Variants in EXT2 observed in about 807,000 individuals in gnomAD.
EXT2 encodes the protein exostosin-2.
EXT2 carries 53 observed loss-of-function variants against 81.6 expected under a neutral mutation model. The observed-to-expected ratio is 0.65, with a 90% CI of 0.52 to 0.82. The LOEUF (loss-of-function observed/expected upper bound fraction) is 0.82. Ranked by LOEUF, EXT2 falls within the 40% of genes least tolerant of loss-of-function variation. EXT2 has a pLI of 0.00. For synonymous variants in EXT2, 320 were observed against 340.0 expected, an observed-to-expected ratio of 0.94 and a Z score of 0.65; for missense variants, 774 against 910.2, an observed-to-expected ratio of 0.85 and a Z score of 1.93.
intron 7 of EXT2, among the ~76,000 whole-genome samples, chr11:44,149,539 C>A (rs1457170418): frequency 6.6e-6 from 1 of 152,130 alleles, no homozygotes; most frequent in East Asian, 1.9e-4. Context: ...ACGTATTGGA[C>A]CTTGAAAATA....
chr11:44,182,459 T>C (rs1955248947), intron 8 of EXT2, among the ~76,000 whole-genome samples: 1 of 152,220 alleles, frequency 6.6e-6, no homozygotes, highest in Non-Finnish European at 1.5e-5. Context: ...CACCTATCTA[T>C]ATTTTGTTTA....
At chr11:44,118,939 ATTTCT>A in intron 4 of EXT2, among the ~76,000 whole-genome samples, 1 of 151,286 alleles carries the variant, frequency 6.6e-6, no homozygotes, top group South Asian at 2.1e-4. Context: ...GTTTTTATTC[ATTTCT>A]TTTTCTCTTT....
At chr11:44,201,572 T>C (rs7101851) in intron 9 of EXT2, among the ~76,000 whole-genome samples, 139,252 of 152,224 alleles carry the variant, frequency 0.91, 63,784 homozygotes, top group East Asian at 0.99. Context: ...ACTAAGCCCC[T>C]CTGTGTCTAT....
At chr11:44,103,170 C>A (rs924752645) in intron 1 of EXT2, among the ~76,000 whole-genome samples, 1 of 151,760 alleles carries the variant, frequency 6.6e-6, no homozygotes, top group African/African-American at 2.4e-5. Context: ...GATTTTTCTC[C>A]CCTTTGGCTG....
At chr11:44,111,082 T>A (rs1432589796) in intron 3 of EXT2, among the ~76,000 whole-genome samples, 1 of 152,194 alleles carries the variant, frequency 6.6e-6, no homozygotes, top group Non-Finnish European at 1.5e-5. Flanking sequence ...AGAAAACAGA[T>A]GGGCTAGATT....
At chr11:44,169,563 A>G (rs1446029927) in intron 7 of EXT2, among the ~76,000 whole-genome samples, 4 of 152,226 alleles carry the variant, frequency 2.6e-5, no homozygotes, top group African/African-American at 7.2e-5. Flanking sequence ...GAATAATCAT[A>G]CATTTACTCA....
At position 44,245,739 on chromosome 11, in the gene EXT2, G is replaced by C. The variant is rs543254283; in HGVS notation, c.*1452G>C. Among the ~76,000 whole-genome samples the C allele has an allele frequency of 2.0e-5, 3 of 152,328 alleles. No homozygotes were observed. The highest frequency in any genetic ancestry group is 4.4e-5 in the Non-Finnish European group (3 of 68,038). ...TTTCATCAAGAGTCACTTCAGATGT[G>C]TTCCCCAGACTTTGAGAGGTCAAAG... On this transcript the variant is annotated 3_prime_UTR_variant, in exon 14 of 14. Transcript: ENST00000533608.
Position 44,171,722 on chromosome 11 carries a change from T to G in EXT2, c.1285T>G (p.Trp429Gly), listed in dbSNP as rs748351664. ...ATATGCTGCCATCTCCTATGAAGAATGGAATGACCCTCCTGCTGTGGTAAG... is the reference window on the plus strand; with the variant it reads ...ATATGCTGCCATCTCCTATGAAGAAGGGAATGACCCTCCTGCTGTGGTAAG... ...YPYAAISYEE[W>G]NDPPAVKWGS... Residue 429 changes from tryptophan (W) to glycine (G), a missense_variant, in exon 8 of 14, where the codon TGG becomes GGG. This residue lies in a region of EXT2 where 626 missense variants were observed against 670.5 expected (regional missense o/e 0.93). Transcript: ENST00000533608. The G allele has an allele frequency of 3.7e-6, 6 of 1,614,036 alleles. No individual in the cohort carries two copies. The highest frequency in any genetic ancestry group is 1.1e-5 in the South Asian group (1 of 91,084).
chr11:44,159,756 A>G (rs1031779932), intron 7 of EXT2, among the ~76,000 whole-genome samples: 4 of 152,146 alleles, frequency 2.6e-5, no homozygotes, highest in Non-Finnish European at 4.4e-5. Flanking sequence ...CTTCAATGGT[A>G]TGGTGGTATT....
At chr11:44,229,198 T>C (rs1955870629) in intron 10 of EXT2, among the ~76,000 whole-genome samples, 2 of 152,212 alleles carry the variant, frequency 1.3e-5, no homozygotes, top group Non-Finnish European at 2.9e-5. Flanking sequence ...TTTCATGGCA[T>C]CTGCCCAGGC....
intron 6 of EXT2, among the ~76,000 whole-genome samples, chr11:44,129,320 A>G (rs1358531574): frequency 1.3e-5 from 2 of 152,186 alleles, no homozygotes; most frequent in Non-Finnish European, 2.9e-5. Flanking sequence ...AAAAAGCACA[A>G]GTCTTTCAGT....
intron 8 of EXT2, among the ~76,000 whole-genome samples, chr11:44,188,188 T>G (rs562948021): frequency 6.6e-6 from 1 of 152,206 alleles, no homozygotes; most frequent in African/African-American, 2.4e-5. Context: ...TGAAACTTGG[T>G]ATCCTGGGAG....
chr11:44,117,959 G>C (rs893995452), intron 4 of EXT2, among the ~76,000 whole-genome samples: 3 of 152,126 alleles, frequency 2.0e-5, no homozygotes, highest in African/African-American at 7.2e-5. Context: ...TTGTGATACT[G>C]CCCAGGCTGT....
At position 44,248,084 on chromosome 11, in the gene EXT2, A is replaced by G. The variant is rs1006134574; in HGVS notation, c.*3797A>G. Among the ~76,000 whole-genome samples, 2 of 152,208 alleles carry G rather than the reference A, an allele frequency of 1.3e-5. No individual in the cohort carries two copies. Among genetic ancestry groups the G allele is most frequent in the Non-Finnish European group, 2.9e-5 (2 of 68,032 alleles). Reference sequence around the variant, plus strand: ...AGGCTTTGGGTGTTGGAGACTTCCCATCAGCCACCCATCATGAGCCTGGTG... The same window carrying G: ...AGGCTTTGGGTGTTGGAGACTTCCCGTCAGCCACCCATCATGAGCCTGGTG... On this transcript the variant is annotated 3_prime_UTR_variant, in exon 14 of 14. Coordinates refer to ENST00000533608, the MANE Select transcript of EXT2 (RefSeq NM_207122.2).
At chr11:44,239,359 A>AT (rs1470060866) in intron 13 of EXT2, among the ~76,000 whole-genome samples, 6 of 149,334 alleles carry the variant, frequency 4.0e-5, no homozygotes, top group Non-Finnish European at 5.9e-5. Flanking sequence ...GAATAATAAG[A>AT]TATGTGATTT....
chr11:44,235,408 AT>A (rs1202562390), intron 12 of EXT2, among the ~76,000 whole-genome samples: 13 of 147,990 alleles, frequency 8.8e-5, no homozygotes, highest in East Asian at 2.0e-4. Flanking sequence ...TGTCCGGCTA[AT>A]TTTTTTTTTG....
chr11:44,241,285 A>G (rs1956034254), intron 13 of EXT2, among the ~76,000 whole-genome samples: 1 of 152,240 alleles, frequency 6.6e-6, no homozygotes, highest in Non-Finnish European at 1.5e-5. Flanking sequence ...CTTAAAAAAA[A>G]GAACATAGTA....
rs557442509 is a variant in EXT2 at position 44,244,813 on chromosome 11, G to A, written c.*526G>A. 1 of 248,134 alleles carries A rather than the reference G, an allele frequency of 4.0e-6. No individual in the cohort carries two copies. The highest frequency in any genetic ancestry group is 1.4e-4 in the South Asian group (1 of 7,188). The allele number at this position is 248,134 out of a possible 1,614,324, so 15.4% of individuals were successfully genotyped here. Reference sequence around the variant, plus strand: ...TTTGATAAATGCCTTGGGACCTGGAGTGCTGGGCTTGTGCACAGGAAGAGC... The same window carrying A: ...TTTGATAAATGCCTTGGGACCTGGAATGCTGGGCTTGTGCACAGGAAGAGC... On this transcript the variant is annotated 3_prime_UTR_variant, in exon 14 of 14. Transcript: ENST00000533608.
rs565797605 is a variant in EXT2, at chr11:44,096,977, C to T, written c.-31+1125C>T. Reference sequence around the variant, plus strand: ...TTCAGTTTCCATCATTCACTTTCCCCGACTTCCTGGTTGCATGTGAGGGTA... The same window carrying T: ...TTCAGTTTCCATCATTCACTTTCCCTGACTTCCTGGTTGCATGTGAGGGTA... On this transcript the variant is annotated intron_variant, in intron 1 of 13. Coordinates refer to ENST00000533608, the MANE Select transcript of EXT2 (RefSeq NM_207122.2). 2.0e-5 allele frequency among the ~76,000 whole-genome samples: 3 copies of T among 152,250 alleles called. 1 individual carries two copies. The highest frequency in any genetic ancestry group is 7.2e-5 in the African/African-American group (3 of 41,520).
Sources: gnomAD v4.1 joint callset for allele counts (sites outside exome capture counted in the v4.1 genomes callset) on GRCh38, gnomAD v4.1.1 for gene constraint, gnomAD v4.1.1 regional missense constraint, MANE v1.5 for transcripts, NCBI Gene and HGNC (gene_info 2026-07-23, HGNC 2026-07-21) for gene names.